RBMS3: variants seen among roughly 807,000 people sequenced by gnomAD.
The protein encoded by RBMS3 is RNA binding motif single stranded interacting protein 3.
A neutral mutation model predicts 66.8 loss-of-function variants in RBMS3; 27 were observed. That is an observed-to-expected ratio of 0.40 (90% CI 0.30 to 0.56). RBMS3 has a LOEUF of 0.56. Ranked by LOEUF, RBMS3 falls within the 20% of genes least tolerant of loss-of-function variation. The probability of loss-of-function intolerance (pLI) is 0.40; values close to 1 mark genes in which losing one functional copy is unlikely to be tolerated. For missense variants in RBMS3, 513 were observed against 549.5 expected (o/e 0.93, Z 0.66); for synonymous variants, 188 against 183.0 (o/e 1.03, Z -0.22).
intron 1 of RBMS3, among the ~76,000 whole-genome samples, chr3:29,299,043 A>G (rs1198437040): frequency 6.6e-6 from 1 of 151,896 alleles, no homozygotes. Context: ...ATGCTAAGTC[A>G]TGCGACATTG....
At chr3:29,982,394 G>A (rs548647579) in intron 12 of RBMS3, among the ~76,000 whole-genome samples, 1 of 152,222 alleles carries the variant, frequency 6.6e-6, no homozygotes, top group African/African-American at 2.4e-5. Context: ...TTTTTGAAGG[G>A]TTTTTAATGT....
chr3:29,752,331 G>T (rs997873513), intron 5 of RBMS3, among the ~76,000 whole-genome samples: 2 of 152,034 alleles, frequency 1.3e-5, no homozygotes, highest in Admixed American at 1.3e-4. Context: ...GTTTTTATGG[G>T]TACAGGGTGG....
Position 29,546,108 on chromosome 3 carries a change from T to TTGTGTGTGTGTGTG in RBMS3, c.308-40974_308-40961dup, listed in dbSNP as rs71091070. On this transcript the variant is annotated intron_variant, in intron 3 of 14. Coordinates refer to ENST00000383767, the MANE Select transcript of RBMS3 (RefSeq NM_001003793.3). ...GCTGGCACTGTTTGATGAGACGGGT[T>TTGTGTGTGTGTGTG]TGTGTGTGTGTGTGTGTGTGTGTGT... is the stretch of plus-strand genomic sequence containing the variant. Among the ~76,000 whole-genome samples, 4 of 145,944 alleles carry TTGTGTGTGTGTGTG rather than the reference T, an allele frequency of 2.7e-5. No homozygotes were observed. In the East Asian group the frequency reaches 6.2e-4, roughly 23 times the overall value.
chr3:29,695,923 C>T (rs1447123644), intron 4 of RBMS3, among the ~76,000 whole-genome samples: 1 of 152,150 alleles, frequency 6.6e-6, no homozygotes, highest in East Asian at 1.9e-4. Context: ...GTTGTTTGAA[C>T]TGGTCAAATT....
At chr3:29,748,997 T>C (rs1432764628) in intron 5 of RBMS3, among the ~76,000 whole-genome samples, 2 of 152,198 alleles carry the variant, frequency 1.3e-5, no homozygotes, top group Non-Finnish European at 2.9e-5. Flanking sequence ...ATTTATATAG[T>C]TGCTGTCACT....
At chr3:29,843,104 G>T (rs949303411) in intron 6 of RBMS3, among the ~76,000 whole-genome samples, 7 of 152,174 alleles carry the variant, frequency 4.6e-5, no homozygotes, top group African/African-American at 1.7e-4. Context: ...CTATGATAGT[G>T]CTTAGCACTT....
At chr3:29,879,408 G>T (rs932209474) in intron 7 of RBMS3, among the ~76,000 whole-genome samples, 2 of 152,136 alleles carry the variant, frequency 1.3e-5, no homozygotes, top group Middle Eastern at 3.4e-3. Flanking sequence ...GTGAACAGTT[G>T]TAAATATTGT....
intron 1 of RBMS3, among the ~76,000 whole-genome samples, chr3:29,409,363 G>T (rs777244236): frequency 6.6e-6 from 1 of 151,970 alleles, no homozygotes; most frequent in Non-Finnish European, 1.5e-5. Context: ...TCATTCTCCA[G>T]AGTCTCTCCA....
chr3:29,635,487 C>T (rs2049441281), intron 4 of RBMS3, among the ~76,000 whole-genome samples: 2 of 151,854 alleles, frequency 1.3e-5, no homozygotes, highest in South Asian at 2.1e-4. Flanking sequence ...CATTTCTCCT[C>T]CTCTCCACCA....
intron 1 of RBMS3, among the ~76,000 whole-genome samples, chr3:29,340,661 A>G (rs1221648401): frequency 6.6e-6 from 1 of 152,154 alleles, no homozygotes; most frequent in Non-Finnish European, 1.5e-5. Context: ...TGAATCTATT[A>G]TAGCACAAGC....
intron 4 of RBMS3, among the ~76,000 whole-genome samples, chr3:29,595,956 T>G (rs1345780802): frequency 6.6e-6 from 1 of 152,178 alleles, no homozygotes; most frequent in South Asian, 2.1e-4. Flanking sequence ...GAGAGAGCAA[T>G]GAGCCACGCT....
intron 2 of RBMS3, among the ~76,000 whole-genome samples, chr3:29,474,093 G>A (rs528589726): frequency 9.2e-5 from 14 of 152,360 alleles, no homozygotes; most frequent in Non-Finnish European, 1.8e-4. Context: ...GAACTACCGC[G>A]CCCAGCGCCT....
chr3:29,835,555 A>G lies in RBMS3; in HGVS notation c.638-33303A>G, dbSNP rs138342526. Among the ~76,000 whole-genome samples, 1,452 of 152,082 alleles carry G rather than the reference A, an allele frequency of 9.5e-3. 9 individuals are homozygous for G. The highest frequency in any genetic ancestry group is 0.015 in the Non-Finnish European group (986 of 67,868). Reference sequence around the variant, plus strand: ...ACCAATGGGTCAAAAAAATTAAAAGATAATTAAAAAAATATTGAGCCAAAA... The same window carrying G: ...ACCAATGGGTCAAAAAAATTAAAAGGTAATTAAAAAAATATTGAGCCAAAA... On this transcript the variant is annotated intron_variant, in intron 6 of 14. Transcript: ENST00000383767.
intron 1 of RBMS3, among the ~76,000 whole-genome samples, chr3:29,362,707 C>T (rs894906650): frequency 1.3e-5 from 2 of 152,132 alleles, no homozygotes; most frequent in African/African-American, 4.8e-5. Flanking sequence ...TCCAAAATTC[C>T]ATAGTTTACT....
At chr3:29,371,094 C>T (rs765849808) in intron 1 of RBMS3, among the ~76,000 whole-genome samples, 10 of 152,160 alleles carry the variant, frequency 6.6e-5, no homozygotes, top group East Asian at 1.9e-4. Context: ...ATTCCCAAAA[C>T]GCTGTGTTAA....
chr3:29,990,314 A>G (rs182148106), intron 13 of RBMS3, among the ~76,000 whole-genome samples: 49 of 152,232 alleles, frequency 3.2e-4, no homozygotes, highest in African/African-American at 1.2e-3. Context: ...GACTACAAAT[A>G]AAACCAGGAA....
intron 6 of RBMS3, among the ~76,000 whole-genome samples, chr3:29,815,389 C>T (rs2057856650): frequency 6.6e-6 from 1 of 152,122 alleles, no homozygotes; most frequent in Admixed American, 6.6e-5. Flanking sequence ...TTTATTTTCT[C>T]TTAGCTTTCA....
chr3:29,932,030 A>G (rs555538753), intron 10 of RBMS3, among the ~76,000 whole-genome samples: 106 of 152,276 alleles, frequency 7.0e-4, no homozygotes, highest in South Asian at 8.3e-4. Flanking sequence ...CACTTATCCA[A>G]ATAATTTTAT....
At chr3:29,714,568 G>T (rs1284878278) in intron 4 of RBMS3, among the ~76,000 whole-genome samples, 1 of 152,162 alleles carries the variant, frequency 6.6e-6, no homozygotes, top group East Asian at 1.9e-4. Flanking sequence ...ACCTTGTAGG[G>T]ATCACAGGTA....
Sources: allele counts gnomAD v4.1 joint callset (sites outside exome capture counted in the v4.1 genomes callset), GRCh38; gene constraint gnomAD v4.1.1; transcripts MANE v1.5; gene names NCBI Gene and HGNC (gene_info 2026-07-23, HGNC 2026-07-21).